OCA2: variants seen among roughly 807,000 people sequenced by gnomAD.
OCA2 encodes OCA2 melanosomal transmembrane protein.
Under a neutral mutation model 100.2 loss-of-function variants are expected in OCA2, and 77 were observed. That is an observed-to-expected ratio of 0.77 (90% CI 0.64 to 0.93). The LOEUF (loss-of-function observed/expected upper bound fraction) is 0.93, where lower values mean the gene tolerates loss of function less well. Among genes scored for constraint, OCA2 ranks in the 40% least tolerant of loss-of-function variants. OCA2 has a pLI of 0.00. For synonymous variants in OCA2, 432 were observed against 439.2 expected (o/e 0.98, Z 0.21); for missense variants, 1,062 against 1,089.1 (o/e 0.98, Z 0.35).
At chr15:28,020,059 T>G (rs796956828) in intron 6 of OCA2, among the ~76,000 whole-genome samples, 9 of 152,126 alleles carry the variant, frequency 5.9e-5, no homozygotes, top group African/African-American at 1.9e-4. Context: ...TCCCAGGCTC[T>G]CTCTCTCCCT....
At chr15:27,927,899 T>C (rs2039103190) in intron 18 of OCA2, among the ~76,000 whole-genome samples, 1 of 151,100 alleles carries the variant, frequency 6.6e-6, no homozygotes, top group South Asian at 2.1e-4. Flanking sequence ...TCAAGTGATG[T>C]TCCTGCCTCA....
intron 23 of OCA2, among the ~76,000 whole-genome samples, chr15:27,799,842 G>C (rs1178155415): frequency 6.6e-6 from 1 of 152,092 alleles, no homozygotes; most frequent in African/African-American, 2.4e-5. Context: ...TTCCAGAGAG[G>C]GGTAACAGCC....
intron 19 of OCA2, among the ~76,000 whole-genome samples, chr15:27,896,929 G>C (rs942799276): frequency 9.2e-5 from 14 of 152,116 alleles, no homozygotes; most frequent in Admixed American, 9.2e-4. Context: ...AGTGGCTCAC[G>C]CCTATAATCC....
At chr15:27,978,947 A>G (rs2041057753) in intron 14 of OCA2, among the ~76,000 whole-genome samples, 1 of 152,196 alleles carries the variant, frequency 6.6e-6, no homozygotes, top group Non-Finnish European at 1.5e-5. Flanking sequence ...TCGGCCTCCC[A>G]AAGTGCTGGG....
At chr15:27,963,642 C>T (rs1174213111) in intron 15 of OCA2, among the ~76,000 whole-genome samples, 1 of 151,888 alleles carries the variant, frequency 6.6e-6, no homozygotes, top group Admixed American at 6.6e-5. Context: ...ATTTAGAGCA[C>T]TAAAGGCCTA....
intron 2 of OCA2, among the ~76,000 whole-genome samples, chr15:28,055,885 C>T (rs1288438118): frequency 2.0e-5 from 3 of 152,216 alleles, no homozygotes; most frequent in Non-Finnish European, 4.4e-5. Context: ...ATGGATTGCT[C>T]ATCTCCGGAG....
At chr15:27,757,653 A>C (rs1387435414) in intron 23 of OCA2, among the ~76,000 whole-genome samples, 1 of 152,206 alleles carries the variant, frequency 6.6e-6, no homozygotes, top group Non-Finnish European at 1.5e-5. Context: ...CCATAACTCA[A>C]TTTCTTTATA....
At chr15:27,724,773 T>C in the OCA2 span, among the ~76,000 whole-genome samples, 184 of 152,108 alleles carry the variant, frequency 1.2e-3, 1 homozygote, top group African/African-American at 4.2e-3. Context: ...TACCTGATTC[T>C]TTCCTGCCTC....
intron 18 of OCA2, among the ~76,000 whole-genome samples, chr15:27,933,487 G>C (rs950634118): frequency 1.3e-5 from 2 of 152,186 alleles, no homozygotes; most frequent in African/African-American, 4.8e-5. Context: ...CGTATGAAGA[G>C]ACCACCAAAC....
At chr15:27,722,707 C>T in the OCA2 span, among the ~76,000 whole-genome samples, 1 of 99,436 alleles carries the variant, frequency 1.0e-5, no homozygotes, top group African/African-American at 4.4e-5. Flanking sequence ...TCTCTTCCTT[C>T]CTTTCTTTCT....
intron 18 of OCA2, among the ~76,000 whole-genome samples, chr15:27,940,843 A>G (rs1432230863): frequency 6.6e-6 from 1 of 152,208 alleles, no homozygotes; most frequent in African/African-American, 2.4e-5. Context: ...TTTATTATTA[A>G]AAGTTTGAGA....
intron 1 of OCA2, among the ~76,000 whole-genome samples, chr15:28,096,105 T>C (rs1179557725): frequency 1.3e-5 from 2 of 151,364 alleles, no homozygotes; most frequent in Non-Finnish European, 2.9e-5. Flanking sequence ...TCAATGTGTC[T>C]CCGGGGGCGT....
chr15:27,951,162 C>T (rs2040013802), intron 18 of OCA2, among the ~76,000 whole-genome samples: 1 of 152,150 alleles, frequency 6.6e-6, no homozygotes, highest in South Asian at 2.1e-4. Flanking sequence ...GGTGAGCTCC[C>T]CCTGAGAGAG....
intron 18 of OCA2, among the ~76,000 whole-genome samples, chr15:27,928,703 T>C (rs944955299): frequency 7.9e-5 from 12 of 152,224 alleles, no homozygotes; most frequent in African/African-American, 2.9e-4. Context: ...CCCAGCCTCA[T>C]GCCTCCATTC....
chr15:28,092,063 A>G (rs73377792), intron 1 of OCA2, among the ~76,000 whole-genome samples: 9,538 of 152,304 alleles, frequency 0.063, 460 homozygotes, highest in African/African-American at 0.13. Context: ...TGTCTGACAC[A>G]TGCTAAAACA....
At chr15:27,752,142 C>G (rs529519964), downstream of OCA2, among the ~76,000 whole-genome samples, 1 of 152,200 alleles carries the variant, frequency 6.6e-6, no homozygotes, top group Non-Finnish European at 1.5e-5. Flanking sequence ...CAAGCTCAGG[C>G]AGGACCAGAT....
At chr15:27,996,257 T>G (rs890748035) in intron 9 of OCA2, among the ~76,000 whole-genome samples, 3 of 152,198 alleles carry the variant, frequency 2.0e-5, no homozygotes, top group Admixed American at 1.3e-4. Flanking sequence ...TTTATAGTGA[T>G]GAATACCTAC....
intron 21 of OCA2, among the ~76,000 whole-genome samples, chr15:27,865,944 T>TA (rs1567037017): frequency 6.6e-6 from 1 of 152,082 alleles, no homozygotes; most frequent in East Asian, 1.9e-4. Context: ...GGCCCCTCTG[T>TA]AGGCAGGAAA....
At chr15:27,952,307 A>G (rs2040058749) in intron 17 of OCA2, among the ~76,000 whole-genome samples, 1 of 152,178 alleles carries the variant, frequency 6.6e-6, no homozygotes, top group Non-Finnish European at 1.5e-5. Flanking sequence ...TTTACACGAC[A>G]TGCATGAGGC....
Sources: allele counts gnomAD v4.1 joint callset (sites outside exome capture counted in the v4.1 genomes callset), GRCh38; gene constraint gnomAD v4.1.1; transcripts MANE v1.5; gene names NCBI Gene and HGNC (gene_info 2026-07-23, HGNC 2026-07-21).